KLHL14: variants seen among roughly 807,000 people sequenced by gnomAD.
The protein encoded by KLHL14 is kelch-like protein 14.
In KLHL14, 22 loss-of-function variants were observed where a neutral mutation model predicts 64.3. That is an observed-to-expected ratio of 0.34 (90% CI 0.24 to 0.49). The LOEUF is 0.49. KLHL14 is among the 20% of genes least tolerant of loss of function. KLHL14 has a pLI of 0.99. For missense variants in KLHL14, 661 were observed against 789.0 expected, an observed-to-expected ratio of 0.84 and a Z score of 1.94; for synonymous variants, 322 against 333.4, an observed-to-expected ratio of 0.97 and a Z score of 0.37.
chr18:32,745,828 TG>T (rs1435125665), intron 2 of KLHL14, among the ~76,000 whole-genome samples: 1 of 152,258 alleles, frequency 6.6e-6, no homozygotes, highest in East Asian at 1.9e-4. Flanking sequence ...ATTTATTTGA[TG>T]TGTGTGAACT....
intron 5 of KLHL14, among the ~76,000 whole-genome samples, chr18:32,681,981 C>T (rs1375258638): frequency 6.6e-6 from 1 of 152,180 alleles, no homozygotes; most frequent in Non-Finnish European, 1.5e-5. Flanking sequence ...GTCTCTTTCT[C>T]ACAGGGCTAT....
Position 32,748,716 on chromosome 18 carries a change from C to T in KLHL14, c.948-6667G>A, listed in dbSNP as rs1256232470. Among the ~76,000 whole-genome samples, 3 of 150,376 alleles carry T rather than the reference C, an allele frequency of 2.0e-5. No individual in the cohort carries two copies. The East Asian group carries it at 5.9e-4, about 30-fold the overall frequency. On this transcript the variant is annotated intron_variant, in intron 2 of 8. Transcript: ENST00000359358. The stretch of plus-strand genomic sequence containing the variant: ...TGTTGACCACGCTGGTCTCTGCCTC[C>T]TGACCTCAAGTGATCCCCCGACCTC...
In KLHL14 at chr18:32,673,598, C is replaced by G. The variant is rs1251174737; in HGVS notation, c.*1059G>C. On this transcript the variant is annotated 3_prime_UTR_variant, in exon 9 of 9. Transcript: ENST00000359358. Reference sequence around the variant, plus strand: ...CGATCGTAAGTCAAGTGTCTAGAGGCACCCGAAGGTGAGGAAGAGGAGAAG... The same window carrying G: ...CGATCGTAAGTCAAGTGTCTAGAGGGACCCGAAGGTGAGGAAGAGGAGAAG... 1 of 152,200 alleles carries G rather than the reference C, an allele frequency of 6.6e-6. No homozygotes were observed. The highest frequency in any genetic ancestry group is 1.5e-5 in the Non-Finnish European group (1 of 68,050). 9.4% of individuals were successfully genotyped at this position (152,200 alleles called of 1,614,324 possible).
chr18:32,751,655 C>T (rs201610867), intron 2 of KLHL14, among the ~76,000 whole-genome samples: 6 of 152,052 alleles, frequency 3.9e-5, no homozygotes, highest in African/African-American at 4.8e-5. Context: ...CGGTCAGTCA[C>T]GTGCCTATTA....
intron 3 of KLHL14, among the ~76,000 whole-genome samples, chr18:32,728,786 G>A (rs2050119874): frequency 6.6e-6 from 1 of 152,160 alleles, no homozygotes; most frequent in African/African-American, 2.4e-5. Flanking sequence ...TTTAGACACA[G>A]AGATACAGAG....
chr18:32,716,326 A>G (rs2050045045), intron 3 of KLHL14, among the ~76,000 whole-genome samples: 1 of 152,142 alleles, frequency 6.6e-6, no homozygotes, highest in African/African-American at 2.4e-5. Flanking sequence ...TCAATCATGT[A>G]TCAGCTGTAA....
At chr18:32,693,411 C>CAGAGAG (rs1170904090) in intron 4 of KLHL14, among the ~76,000 whole-genome samples, 43 of 113,058 alleles carry the variant, frequency 3.8e-4, no homozygotes, top group African/African-American at 6.5e-4. Flanking sequence ...CACACACACA[C>CAGAGAG]ACAGAGAGAG....
rs915776798 is a variant in KLHL14 at position 32,674,614 on chromosome 18, G to C, written c.*43C>G. 6 of 769,290 alleles carry C rather than the reference G, an allele frequency of 7.8e-6. No individual in the cohort carries two copies. Among genetic ancestry groups the C allele is most frequent in the South Asian group, 1.4e-5 (1 of 73,582 alleles). 47.7% of individuals were successfully genotyped at this position (769,290 alleles called of 1,614,324 possible). A position where few individuals can be genotyped will look rare whatever the true frequency, so the allele number is the denominator to read the frequency against. On this transcript the variant is annotated 3_prime_UTR_variant, in exon 9 of 9. Transcript: ENST00000359358. Reference sequence around the variant, plus strand: ...TATAATAGTGATGTCACCTGCCATTGCTTCCTAGAATGTGATACTGTTCAT... The same window carrying C: ...TATAATAGTGATGTCACCTGCCATTCCTTCCTAGAATGTGATACTGTTCAT...
chr18:32,760,353 C>CAG (rs2050307710), intron 2 of KLHL14, among the ~76,000 whole-genome samples: 1 of 131,388 alleles, frequency 7.6e-6, no homozygotes, highest in East Asian at 3.5e-4. Context: ...CACACACACA[C>CAG]ACACACACAT....
chr18:32,750,386 T>C (rs1455055833), intron 2 of KLHL14, among the ~76,000 whole-genome samples: 1 of 152,196 alleles, frequency 6.6e-6, no homozygotes, highest in Admixed American at 6.5e-5. Context: ...TATTATTATG[T>C]GTAATTATTA....
chr18:32,767,039 C>T (rs894288757), intron 2 of KLHL14, among the ~76,000 whole-genome samples: 1 of 152,032 alleles, frequency 6.6e-6, no homozygotes, highest in Admixed American at 6.5e-5. Context: ...ATTTAAGAAA[C>T]TCTTTTATAT....
At chr18:32,721,849 C>A (rs979431717) in intron 3 of KLHL14, among the ~76,000 whole-genome samples, 28 of 152,142 alleles carry the variant, frequency 1.8e-4, no homozygotes, top group African/African-American at 6.8e-4. Context: ...ACCCACATGA[C>A]CTAAAAATTG....
chr18:32,724,983 G>A (rs748368231), intron 3 of KLHL14, among the ~76,000 whole-genome samples: 8 of 151,688 alleles, frequency 5.3e-5, no homozygotes, highest in South Asian at 4.2e-4. Context: ...ACCATGTTTA[G>A]CATGGTGTTG....
At chr18:32,693,413 C>CACACACACACACACACACACACAGAG (rs1229737083) in intron 4 of KLHL14, among the ~76,000 whole-genome samples, 2 of 97,018 alleles carry the variant, frequency 2.1e-5, no homozygotes, top group African/African-American at 9.7e-5. Context: ...CACACACACA[C>CACACACACACACACACACACACAGAG]AGAGAGAGAG....
chr18:32,693,457 C>T (rs958318195), intron 4 of KLHL14, among the ~76,000 whole-genome samples: 9 of 135,324 alleles, frequency 6.7e-5, no homozygotes, highest in African/African-American at 9.6e-5. Context: ...GAGAGCACTC[C>T]CAGGCCTGTA....
intron 3 of KLHL14, among the ~76,000 whole-genome samples, chr18:32,699,557 G>A (rs748406755): frequency 6.6e-5 from 10 of 152,088 alleles, no homozygotes; most frequent in African/African-American, 1.4e-4. Flanking sequence ...CTCAGGTACC[G>A]AACGGCAGAG....
At chr18:32,720,899 T>C (rs1221100493) in intron 3 of KLHL14, among the ~76,000 whole-genome samples, 1 of 152,204 alleles carries the variant, frequency 6.6e-6, no homozygotes, top group Non-Finnish European at 1.5e-5. Flanking sequence ...CCCATCAGGC[T>C]TCTTCACATG....
intron 2 of KLHL14, among the ~76,000 whole-genome samples, chr18:32,759,072 A>T (rs923505049): frequency 1.6e-4 from 25 of 152,196 alleles, no homozygotes; most frequent in African/African-American, 5.1e-4. Context: ...CCATTGAATT[A>T]TATTCTTTAA....
At chr18:32,701,460 A>G (rs374754218) in intron 3 of KLHL14, among the ~76,000 whole-genome samples, 28 of 152,278 alleles carry the variant, frequency 1.8e-4, no homozygotes, top group African/African-American at 6.7e-4. Context: ...AGAAGCAGAG[A>G]GAAAGCCTGT....
Sources: gnomAD v4.1 joint callset for allele counts (sites outside exome capture counted in the v4.1 genomes callset) on GRCh38, gnomAD v4.1.1 for gene constraint, MANE v1.5 for transcripts, NCBI Gene and HGNC (gene_info 2026-07-23, HGNC 2026-07-21) for gene names.